Variants in SLC3A1 observed in about 807,000 individuals in gnomAD.
SLC3A1 encodes solute carrier family 3 member 1.
A neutral mutation model predicts 60.3 loss-of-function variants in SLC3A1; 78 were observed. The ratio of observed to expected loss-of-function variants is 1.29; its 90% CI spans 1.08 to 1.56. The LOEUF (loss-of-function observed/expected upper bound fraction) is 1.56. SLC3A1 is among the 40% of genes most tolerant of loss of function. The probability of loss-of-function intolerance (pLI) is 0.00; values close to 1 mark genes in which losing one functional copy is unlikely to be tolerated. For synonymous variants in SLC3A1, 392 were observed against 307.9 expected (o/e 1.27, Z -2.86); for missense variants, 1,172 against 858.9 (o/e 1.36, Z -4.56).
chr2:44,312,158 T>G (rs545743142), intron 7 of SLC3A1, among the ~76,000 whole-genome samples: 64 of 152,342 alleles, frequency 4.2e-4, no homozygotes, highest in Admixed American at 9.2e-4. Flanking sequence ...TTGATTTACT[T>G]TAAAAATTTT....
rs574404474 is a variant in SLC3A1 at position 44,321,434 on chromosome 2, T to A, written c.*795T>A. The A allele has an allele frequency of 3.7e-6, 6 of 1,612,502 alleles. No homozygotes were observed. The African/African-American group carries it at 8.0e-5, about 22-fold the overall frequency. On this transcript the variant is annotated 3_prime_UTR_variant, in exon 10 of 10. Transcript: ENST00000260649. ...CAAGTTCCTCGTACAGGAATTTAAT[T>A]TGGGCTGTAATCTAAAAGAAACACA...
chr2:44,310,937 G>A (rs960974420), intron 7 of SLC3A1, among the ~76,000 whole-genome samples: 5 of 151,812 alleles, frequency 3.3e-5, no homozygotes, highest in Admixed American at 1.3e-4. Flanking sequence ...TGAGACTACA[G>A]GTGCATGCCA....
At chr2:44,317,369 G>T (rs1157649417) in intron 9 of SLC3A1, among the ~76,000 whole-genome samples, 1 of 151,772 alleles carries the variant, frequency 6.6e-6, no homozygotes, top group East Asian at 1.9e-4. Flanking sequence ...GGCTGAGGTG[G>T]GAGGATCACT....
At chr2:44,318,808 G>A (rs1427373710) in intron 9 of SLC3A1, 1 of 152,094 alleles carries the variant, frequency 6.6e-6, no homozygotes, top group Non-Finnish European at 1.5e-5. Flanking sequence ...AGTTCAATAT[G>A]AAAAGCATTA....
chr2:44,320,729 C>T lies in SLC3A1; in HGVS notation c.*90C>T. ...CATGTACAGCATGCTGCTTGGTGAACAATCATTAATTCTTCGATATTTCTG... is the reference window on the plus strand; with the variant it reads ...CATGTACAGCATGCTGCTTGGTGAATAATCATTAATTCTTCGATATTTCTG... On this transcript the variant is annotated 3_prime_UTR_variant, in exon 10 of 10. Transcript: ENST00000260649. 1.0e-6 allele frequency: 1 copy of T among 993,822 alleles called. No individual in the cohort carries two copies. The highest frequency in any genetic ancestry group is 1.8e-5 in the Admixed American group (1 of 56,560). 61.6% of individuals were successfully genotyped at this position (993,822 alleles called of 1,614,324 possible). A position where few individuals can be genotyped will look rare whatever the true frequency, so the allele number is the denominator to read the frequency against.
intron 3 of SLC3A1, among the ~76,000 whole-genome samples, chr2:44,282,805 G>T (rs1216852113): frequency 6.6e-6 from 1 of 151,738 alleles, no homozygotes; most frequent in African/African-American, 2.4e-5. Flanking sequence ...CCACAAATGT[G>T]TGCCACCATG....
At chr2:44,302,267 A>C (rs918695032) in intron 6 of SLC3A1, among the ~76,000 whole-genome samples, 1 of 152,168 alleles carries the variant, frequency 6.6e-6, no homozygotes, top group African/African-American at 2.4e-5. Flanking sequence ...TTGTCTCATC[A>C]ATAAAAAAGT....
intron 9 of SLC3A1, chr2:44,319,336 CTTT>C (rs1672719198): frequency 6.6e-6 from 1 of 152,576 alleles, no homozygotes; most frequent in Non-Finnish European, 1.5e-5. Context: ...TGCCCATACT[CTTT>C]GACAAAGTAA....
chr2:44,319,509 A>C (rs186989754), intron 9 of SLC3A1: 1 of 152,410 alleles, frequency 6.6e-6, no homozygotes, highest in African/African-American at 2.4e-5. Flanking sequence ...TGGAGGCTAT[A>C]TTATATAGTC....
intron 7 of SLC3A1, among the ~76,000 whole-genome samples, chr2:44,308,249 G>A (rs1354701135): frequency 6.6e-6 from 1 of 152,210 alleles, no homozygotes; most frequent in Non-Finnish European, 1.5e-5. Flanking sequence ...GTTGATTAGT[G>A]TAGCTTAGTA....
At chr2:44,279,225 C>G (rs965458638) in intron 1 of SLC3A1, among the ~76,000 whole-genome samples, 3 of 152,192 alleles carry the variant, frequency 2.0e-5, no homozygotes, top group Admixed American at 6.5e-5. Context: ...GTCTTGACCT[C>G]CTGACCTCAA....
At chr2:44,296,540 G>A (rs1671847654) in intron 4 of SLC3A1, among the ~76,000 whole-genome samples, 1 of 152,192 alleles carries the variant, frequency 6.6e-6, no homozygotes, top group Non-Finnish European at 1.5e-5. Context: ...CCCATGATAA[G>A]AGTTATTCAC....
chr2:44,321,693 C>T (rs750685954), downstream of SLC3A1: 7 of 1,570,500 alleles, frequency 4.5e-6, no homozygotes, highest in African/African-American at 1.4e-5. Context: ...CCCTCCCTCC[C>T]CTCCTGGGTC....
chr2:44,286,419 A>T (rs1671612905), intron 4 of SLC3A1, among the ~76,000 whole-genome samples: 1 of 152,216 alleles, frequency 6.6e-6, no homozygotes, highest in African/African-American at 2.4e-5. Flanking sequence ...TCTAACTCAG[A>T]GTACCCTAAA....
At chr2:44,306,742 A>T (rs1053674679) in intron 7 of SLC3A1, among the ~76,000 whole-genome samples, 1 of 151,676 alleles carries the variant, frequency 6.6e-6, no homozygotes. Flanking sequence ...TTTAGTAGGG[A>T]CACGGGGTTT....
intron 7 of SLC3A1, among the ~76,000 whole-genome samples, chr2:44,305,987 C>G (rs1175198381): frequency 3.9e-5 from 6 of 152,322 alleles, no homozygotes; most frequent in South Asian, 2.1e-4. Flanking sequence ...CCCCACTAGA[C>G]AGTTCACTGG....
chr2:44,320,826 T>A lies in SLC3A1; in HGVS notation c.*187T>A. 1 of 622,890 alleles carries A rather than the reference T, an allele frequency of 1.6e-6. No individual in the cohort carries two copies. Among genetic ancestry groups the A allele is most frequent in the Non-Finnish European group, 2.8e-6 (1 of 353,104 alleles). 38.6% of individuals were successfully genotyped at this position (622,890 alleles called of 1,614,324 possible). ...AAAAATAAAATGTTTAAAAGTAAAT[T>A]ATGGCTTATAGGAGCTTATAACTTT... On this transcript the variant is annotated 3_prime_UTR_variant, in exon 10 of 10. Coordinates refer to ENST00000260649, the MANE Select transcript of SLC3A1 (RefSeq NM_000341.4).
intron 4 of SLC3A1, among the ~76,000 whole-genome samples, chr2:44,298,018 G>C (rs1671897513): frequency 6.6e-6 from 1 of 152,168 alleles, no homozygotes; most frequent in Admixed American, 6.5e-5. Flanking sequence ...TGGCTATTAT[G>C]AATAATGCTG....
chr2:44,311,027 C>A (rs1342702749), intron 7 of SLC3A1, among the ~76,000 whole-genome samples: 1 of 152,126 alleles, frequency 6.6e-6, no homozygotes, highest in Admixed American at 6.6e-5. Flanking sequence ...AACTCCTGAG[C>A]TCAAGCATCT....
Sources: gnomAD v4.1 joint callset for allele counts (sites outside exome capture counted in the v4.1 genomes callset) on GRCh38, gnomAD v4.1.1 for gene constraint, MANE v1.5 for transcripts, NCBI Gene and HGNC (gene_info 2026-07-23, HGNC 2026-07-21) for gene names.